ST8SIA1: variants seen among roughly 807,000 people sequenced by gnomAD.
ST8SIA1 encodes the protein ST8 alpha-N-acetyl-neuraminide alpha-2,8-sialyltransferase 1.
In ST8SIA1, 16 loss-of-function variants were observed where a neutral mutation model predicts 35.9. The observed-to-expected ratio is 0.45, with a 90% CI of 0.30 to 0.68. ST8SIA1 has a LOEUF of 0.68. ST8SIA1 is among the 30% of genes least tolerant of loss of function. The probability of loss-of-function intolerance (pLI) is 0.09; values close to 1 mark genes in which losing one functional copy is unlikely to be tolerated. For missense variants in ST8SIA1, 383 were observed against 453.6 expected, an observed-to-expected ratio of 0.84 and a Z score of 1.41; for synonymous variants, 170 against 169.6, an observed-to-expected ratio of 1.00 and a Z score of -0.02.
chr12:22,293,320 T>G (rs1866202227), intron 1 of ST8SIA1, among the ~76,000 whole-genome samples: 1 of 152,256 alleles, frequency 6.6e-6, no homozygotes, highest in South Asian at 2.1e-4. Context: ...CATCCAAATG[T>G]TGACTTTGAA....
rs3831855 is a variant in ST8SIA1, at chr12:22,235,892, CCA to C, written c.584+13112_584+13113del. On this transcript the variant is annotated intron_variant, in intron 4 of 4. Transcript: ENST00000396037. Reference sequence around the variant, plus strand: ...AAATGAATGAAGCACATTCCCTTCACCACACACACACACACACACACACGTGC... The same window carrying C: ...AAATGAATGAAGCACATTCCCTTCACCACACACACACACACACACACGTGC... Among the ~76,000 whole-genome samples the C allele has an allele frequency of 6.4e-3, 960 of 149,422 alleles. 4 individuals are homozygous for C. The highest frequency in any genetic ancestry group is 0.02 in the Admixed American group (295 of 14,944).
intron 3 of ST8SIA1, among the ~76,000 whole-genome samples, chr12:22,254,331 G>A (rs906764764): frequency 4.6e-5 from 7 of 151,590 alleles, no homozygotes; most frequent in East Asian, 3.9e-4. Context: ...CTTATTCCAC[G>A]TCTCCTTCAT....
chr12:22,287,227 CATAGGGGAATTCATT>C lies in ST8SIA1; in HGVS notation c.288_302del (p.Met97_Met101del). The C allele has an allele frequency of 6.2e-7, 1 of 1,614,044 alleles. No homozygotes were observed. Among genetic ancestry groups the C allele is most frequent in the Non-Finnish European group, 8.5e-7 (1 of 1,179,966 alleles). On this transcript the variant is annotated inframe_deletion, in exon 2 of 5. Coordinates refer to ENST00000396037, the MANE Select transcript of ST8SIA1 (RefSeq NM_003034.4). ...CCCCGTCATACCACATGCTCTTCCC[CATAGGGGAATTCATT>C]TTAGTCATAGCAAAGAGATGGGCAG...
chr12:22,283,622 T>C (rs1327033388), intron 2 of ST8SIA1, among the ~76,000 whole-genome samples: 1 of 152,208 alleles, frequency 6.6e-6, no homozygotes, highest in African/African-American at 2.4e-5. Flanking sequence ...CCTTCATGCC[T>C]AATAATATTC....
At chr12:22,322,799 C>T (rs1249368063) in intron 1 of ST8SIA1, among the ~76,000 whole-genome samples, 7 of 152,232 alleles carry the variant, frequency 4.6e-5, no homozygotes, top group Admixed American at 4.6e-4. Context: ...CACCTCCACC[C>T]TTCACCAGGT....
At chr12:22,326,780 G>T (rs1364332346) in intron 1 of ST8SIA1, among the ~76,000 whole-genome samples, 1 of 152,152 alleles carries the variant, frequency 6.6e-6, no homozygotes, top group African/African-American at 2.4e-5. Context: ...GTACAGAGAG[G>T]TTAAGTAACT....
rs1264709771 is a variant in ST8SIA1 at position 22,231,938 on chromosome 12, T to G, written c.584+17068A>C. Among the ~76,000 whole-genome samples, 3 of 152,298 alleles carry G rather than the reference T, an allele frequency of 2.0e-5. No individual in the cohort carries two copies. In the East Asian group the frequency reaches 5.8e-4, roughly 29 times the overall value. On this transcript the variant is annotated intron_variant, in intron 4 of 4. Coordinates refer to ENST00000396037, the MANE Select transcript of ST8SIA1 (RefSeq NM_003034.4). ...ACATGTGTGTTGACTAAGTTTAAAGTGCTGAGAAATGCTGCCACTTGAATT... is the reference window on the plus strand; with the variant it reads ...ACATGTGTGTTGACTAAGTTTAAAGGGCTGAGAAATGCTGCCACTTGAATT...
intron 1 of ST8SIA1, among the ~76,000 whole-genome samples, chr12:22,333,098 A>C (rs918255399): frequency 6.6e-6 from 1 of 152,232 alleles, no homozygotes; most frequent in African/African-American, 2.4e-5. Flanking sequence ...CTGCTGCCGT[A>C]ACTTATTTTT....
chr12:22,206,419 A>T (rs1463808128), intron 4 of ST8SIA1, among the ~76,000 whole-genome samples: 1 of 152,152 alleles, frequency 6.6e-6, no homozygotes, highest in African/African-American at 2.4e-5. Flanking sequence ...GGTAGCAGAG[A>T]CACCCAGGTG....
At chr12:22,215,098 C>T (rs540174660) in intron 4 of ST8SIA1, among the ~76,000 whole-genome samples, 1 of 152,274 alleles carries the variant, frequency 6.6e-6, no homozygotes, top group East Asian at 1.9e-4. Context: ...ATTCTCTTTG[C>T]CTACTCCACA....
chr12:22,234,647 G>C (rs1865456391), intron 4 of ST8SIA1, among the ~76,000 whole-genome samples: 1 of 152,044 alleles, frequency 6.6e-6, no homozygotes, highest in Non-Finnish European at 1.5e-5. Context: ...TCTTTTTGGA[G>C]ATATTTTAAA....
chr12:22,311,537 T>G (rs1866449535), intron 1 of ST8SIA1, among the ~76,000 whole-genome samples: 1 of 152,188 alleles, frequency 6.6e-6, no homozygotes, highest in Non-Finnish European at 1.5e-5. Context: ...TGTGTGAGGT[T>G]TTCATAGTTT....
chr12:22,256,564 A>C (rs1227577760), intron 2 of ST8SIA1, among the ~76,000 whole-genome samples: 1 of 152,262 alleles, frequency 6.6e-6, no homozygotes, highest in Non-Finnish European at 1.5e-5. Flanking sequence ...AAATCCAATA[A>C]GTATATGAAT....
intron 1 of ST8SIA1, among the ~76,000 whole-genome samples, chr12:22,306,204 T>C (rs1866381111): frequency 1.3e-5 from 2 of 152,160 alleles, no homozygotes; most frequent in Non-Finnish European, 2.9e-5. Context: ...CCCTAAAATG[T>C]ATAAAACCAA....
chr12:22,204,337 T>C (rs1865083445), intron 4 of ST8SIA1, among the ~76,000 whole-genome samples: 1 of 152,234 alleles, frequency 6.6e-6, no homozygotes, highest in Admixed American at 6.5e-5. Flanking sequence ...TGCACATACA[T>C]TGTGAAATGA....
intron 1 of ST8SIA1, chr12:22,325,377 T>A (rs1261081316): frequency 2.3e-5 from 16 of 697,120 alleles, no homozygotes; most frequent in Non-Finnish European, 3.4e-5. Context: ...GGCTCTGAAT[T>A]CATTTCCACT....
chr12:22,207,534 T>TG (rs34637155), intron 4 of ST8SIA1, among the ~76,000 whole-genome samples: 1 of 151,162 alleles, frequency 6.6e-6, no homozygotes, highest in East Asian at 1.9e-4. Context: ...CTTGGGGGAG[T>TG]GGGGGGCGGT....
At chr12:22,328,524 T>G (rs1363325054) in intron 1 of ST8SIA1, among the ~76,000 whole-genome samples, 1 of 152,212 alleles carries the variant, frequency 6.6e-6, no homozygotes, top group Non-Finnish European at 1.5e-5. Context: ...CTCTCATCAT[T>G]ATCCTATAAA....
intron 1 of ST8SIA1, chr12:22,325,931 C>T (rs1050232485): frequency 1.6e-5 from 11 of 684,272 alleles, no homozygotes; most frequent in Admixed American, 6.5e-5. Flanking sequence ...AGTGTGGAGA[C>T]GCTGAACAAA....
Sources: gnomAD v4.1 joint callset for allele counts (sites outside exome capture counted in the v4.1 genomes callset) on GRCh38, gnomAD v4.1.1 for gene constraint, MANE v1.5 for transcripts, NCBI Gene and HGNC (gene_info 2026-07-23, HGNC 2026-07-21) for gene names.